AKAP8L: variants seen among roughly 807,000 people sequenced by gnomAD.
AKAP8L encodes A-kinase anchoring protein 8 like, also known as A-kinase anchor protein 8-like.
Under a neutral mutation model 77.5 loss-of-function variants are expected in AKAP8L, and 34 were observed. The observed-to-expected ratio is 0.44, with a 90% CI of 0.33 to 0.58. The LOEUF (loss-of-function observed/expected upper bound fraction) is 0.58, where lower values mean the gene tolerates loss of function less well. AKAP8L is among the 20% of genes least tolerant of loss of function. AKAP8L has a pLI of 0.02. For synonymous variants in AKAP8L, 342 were observed against 340.7 expected, an observed-to-expected ratio of 1.00 and a Z score of -0.04; for missense variants, 806 against 887.6, an observed-to-expected ratio of 0.91 and a Z score of 1.17.
chr19:15,418,034 G>A (rs1968240831), intron 1 of AKAP8L, among the ~76,000 whole-genome samples: 1 of 152,170 alleles, frequency 6.6e-6, no homozygotes, highest in African/African-American at 2.4e-5. Flanking sequence ...GTTCCTGCCC[G>A]TAAGCCTTTT....
chr19:15,406,802 C>T (rs1022343518), intron 2 of AKAP8L, among the ~76,000 whole-genome samples: 4 of 152,080 alleles, frequency 2.6e-5, no homozygotes, highest in East Asian at 3.8e-4. Flanking sequence ...AGGACATGGT[C>T]ACAGTATGTG....
intron 2 of AKAP8L, among the ~76,000 whole-genome samples, chr19:15,407,563 A>T (rs762440585): frequency 3.3e-5 from 5 of 152,262 alleles, no homozygotes; most frequent in African/African-American, 4.8e-5. Context: ...TCAAATTTCA[A>T]ATATTACAAG....
chr19:15,411,105 A>T (rs983004261), intron 1 of AKAP8L, among the ~76,000 whole-genome samples: 1 of 152,132 alleles, frequency 6.6e-6, no homozygotes, highest in Non-Finnish European at 1.5e-5. Flanking sequence ...TGAGCCACAG[A>T]GCCTGGCCCC....
Position 15,397,666 on chromosome 19 carries a change from C to T in AKAP8L, c.1300-41G>A, listed in dbSNP as rs776198134. The T allele has an allele frequency of 6.2e-7, 1 of 1,613,956 alleles. No individual in the cohort carries two copies. Among genetic ancestry groups the T allele is most frequent in the Non-Finnish European group, 8.5e-7 (1 of 1,179,866 alleles). ...AGGTTCATGTGGGCCGCCTTATGTT[C>T]TCAGGGGTCCAAGAAACTAAGAGCG... On this transcript the variant is annotated intron_variant, in intron 10 of 13. Coordinates refer to ENST00000397410, the MANE Select transcript of AKAP8L (RefSeq NM_014371.4). The surrounding 1 kb of genome is among the most constrained non-coding windows in gnomAD (Gnocchi z 4.7).
rs1967804309 is a variant in AKAP8L at position 15,397,631 on chromosome 19, AG to A, written c.1300-7del. On this transcript the variant is annotated splice_region_variant and splice_polypyrimidine_tract_variant and intron_variant, in intron 10 of 13. Transcript: ENST00000397410. This position sits in a 1 kb window ranked among gnomAD's most constrained non-coding sequence, Gnocchi z 4.7. ...GTCTTGTTAGTGACGTACTCCTGCA[AG>A]GAATATAAAGGTTCATGTGGGCCGC... 6.2e-7 allele frequency: 1 copy of A among 1,613,774 alleles called. No individual in the cohort carries two copies. The highest frequency in any genetic ancestry group is 1.7e-5 in the Admixed American group (1 of 59,994).
Position 15,380,534 on chromosome 19 carries a change from G to A in AKAP8L, c.1615C>T (p.Leu539=). 6.2e-7 allele frequency: 1 copy of A among 1,613,930 alleles called. No individual in the cohort carries two copies. The highest frequency in any genetic ancestry group is 8.5e-7 in the Non-Finnish European group (1 of 1,179,882). Residue 539 remains leucine (L), a synonymous_variant, in exon 13 of 14, where the codon CTG becomes TTG. Transcript: ENST00000397410. The part of the protein sequence containing the change: ...ILNNKLISKK[L]ERYLKGENPF... ...TGCCTCACCTTCAGGTAGCGCTCCA[G>A]CTTCTTGCTGATGAGCTTGTTGTTG... is the stretch of plus-strand genomic sequence containing the variant.
intron 12 of AKAP8L, among the ~76,000 whole-genome samples, chr19:15,388,580 C>G (rs564250171): frequency 6.6e-6 from 1 of 152,082 alleles, no homozygotes; most frequent in Non-Finnish European, 1.5e-5. Context: ...TAACGGACAC[C>G]AAAAATCCAT....
At chr19:15,384,979 T>C (rs1197085016) in intron 12 of AKAP8L, among the ~76,000 whole-genome samples, 1 of 150,574 alleles carries the variant, frequency 6.6e-6, no homozygotes, top group Non-Finnish European at 1.5e-5. Context: ...CATGCCATTC[T>C]CTTTTTTTTT....
intron 12 of AKAP8L, among the ~76,000 whole-genome samples, chr19:15,391,780 T>A (rs1424109061): frequency 6.6e-6 from 1 of 152,012 alleles, no homozygotes; most frequent in Non-Finnish European, 1.5e-5. Flanking sequence ...CCTCGTGATC[T>A]CCCGCCTCAG....
At chr19:15,415,240 C>T (rs1319968252) in intron 1 of AKAP8L, among the ~76,000 whole-genome samples, 1 of 152,066 alleles carries the variant, frequency 6.6e-6, no homozygotes, top group African/African-American at 2.4e-5. Context: ...TCAAGACCTG[C>T]GTGGCAACAT....
intron 2 of AKAP8L, 146 bp from the exon 3 acceptor site, chr19:15,404,188 C>T (rs1426921916): frequency 1.8e-5 from 13 of 726,604 alleles, no homozygotes; most frequent in Admixed American, 2.9e-5. Context: ...GCGAGCACTG[C>T]GCAAATGACC....
At position 15,399,746 on chromosome 19, in the gene AKAP8L, G is replaced by A. The variant is rs112741019; in HGVS notation, c.1049-336C>T. ...GTTCAGAGGGGCCAGGTGGTGGGAT[G>A]CAGGGAGGCTGCTCACATGGCCCTG... On this transcript the variant is annotated intron_variant, in intron 8 of 13. Coordinates refer to ENST00000397410, the MANE Select transcript of AKAP8L (RefSeq NM_014371.4). This position sits in a 1 kb window ranked among gnomAD's most constrained non-coding sequence, Gnocchi z 6.1. 2,567 of 367,340 alleles carry A rather than the reference G, an allele frequency of 7.0e-3. 44 individuals are homozygous for A. Among genetic ancestry groups the A allele is most frequent in the African/African-American group, 0.048 (2,349 of 48,502 alleles). 22.8% of individuals were successfully genotyped at this position (367,340 alleles called of 1,614,324 possible). A position where few individuals can be genotyped will look rare whatever the true frequency, so the allele number is the denominator to read the frequency against.
In AKAP8L at chr19:15,387,443, CT is replaced by C. The variant is rs533503193; in HGVS notation, c.1537-6832del. Among the ~76,000 whole-genome samples, 602 of 149,538 alleles carry C rather than the reference CT, an allele frequency of 4.0e-3. 4 individuals are homozygous for C. Among genetic ancestry groups the C allele is most frequent in the Middle Eastern group, 0.024 (7 of 290 alleles). ...AAAAAAATTAAAAGGACATTGATAG[CT>C]TTTTTTTTTCTTTCTGAATATTTAT... On this transcript the variant is annotated intron_variant, in intron 12 of 13. Coordinates refer to ENST00000397410, the MANE Select transcript of AKAP8L (RefSeq NM_014371.4).
Position 15,380,364 on chromosome 19 carries a change from G to A in AKAP8L, c.1699C>T (p.Leu567=), listed in dbSNP as rs769638010. 1.3e-6 allele frequency: 2 copies of A among 1,561,542 alleles called. No homozygotes were observed. The highest frequency in any genetic ancestry group is 2.7e-5 in the African/African-American group (2 of 73,800). The change falls in exon 14 of 14, where the codon CTG becomes TTG. Residue 567 remains leucine (L), a synonymous_variant. Coordinates refer to ENST00000397410, the MANE Select transcript of AKAP8L (RefSeq NM_014371.4). ...KEQEEAEGGA[L]DEGAQGEAAG... is the part of the protein sequence containing the mutation. ...GCTTCGCCCTGCGCCCCCTCGTCCA[G>A]GGCACCGCCCTCAGCCTCCTCCTGC...
At chr19:15,382,973 CCATTT>C (rs1967450387) in intron 12 of AKAP8L, among the ~76,000 whole-genome samples, 1 of 152,156 alleles carries the variant, frequency 6.6e-6, no homozygotes. Flanking sequence ...ACAAAACACA[CCATTT>C]ATTTCCCTAC....
rs773255488 is a variant in AKAP8L at position 15,397,889 on chromosome 19, C to G, written c.1158-34G>C. On this transcript the variant is annotated intron_variant, in intron 9 of 13. Transcript: ENST00000397410. This position sits in a 1 kb window ranked among gnomAD's most constrained non-coding sequence, Gnocchi z 4.7. ...GGAAGGAAACGAGGGGCTGAGGCTG[C>G]AAGTGTCCCAGGGGATAGTGCTGCC... The G allele has an allele frequency of 1.9e-6, 3 of 1,606,630 alleles. No homozygotes were observed. The highest frequency in any genetic ancestry group is 1.1e-5 in the South Asian group (1 of 90,120).
chr19:15,387,941 A>G (rs1421353552), intron 12 of AKAP8L, among the ~76,000 whole-genome samples: 4 of 150,524 alleles, frequency 2.7e-5, no homozygotes, highest in Admixed American at 2.0e-4. Flanking sequence ...CCTGGGCAAC[A>G]GAGCAAGACT....
chr19:15,408,321 T>C (rs1002338115), intron 2 of AKAP8L, among the ~76,000 whole-genome samples: 1 of 152,044 alleles, frequency 6.6e-6, no homozygotes. Context: ...TCCTAGCACT[T>C]TGGGAGGCCA....
chr19:15,385,998 C>T (rs954736924), intron 12 of AKAP8L, among the ~76,000 whole-genome samples: 9 of 151,866 alleles, frequency 5.9e-5, no homozygotes, highest in African/African-American at 1.9e-4. Flanking sequence ...GCAACCTCCG[C>T]CTCCTGGGTT....
Sources: allele counts gnomAD v4.1 joint callset (sites outside exome capture counted in the v4.1 genomes callset), GRCh38; gene constraint gnomAD v4.1.1; non-coding constraint Gnocchi (gnomAD v3.1); transcripts MANE v1.5; gene names NCBI Gene and HGNC (gene_info 2026-07-23, HGNC 2026-07-21).